The following KIAA0825 variants were observed in gnomAD, a reference collection of about 807,000 sequenced individuals.
KIAA0825 encodes the protein uncharacterized protein KIAA0825.
A neutral mutation model predicts 147.6 loss-of-function variants in KIAA0825; 119 were observed. The observed-to-expected ratio is 0.81, with a 90% CI of 0.69 to 0.94. The LOEUF (loss-of-function observed/expected upper bound fraction) is 0.94. KIAA0825 is among the 40% of genes least tolerant of loss of function. The pLI is 0.00. For missense variants in KIAA0825, 1,381 were observed against 1,472.7 expected, an observed-to-expected ratio of 0.94 and a Z score of 1.02; for synonymous variants, 470 against 518.1, an observed-to-expected ratio of 0.91 and a Z score of 1.26.
intron 14 of KIAA0825, among the ~76,000 whole-genome samples, chr5:94,428,143 T>TTTTGTG (rs1353501308): frequency 9.7e-5 from 13 of 134,498 alleles, no homozygotes; most frequent in African/African-American, 3.7e-4. Flanking sequence ...TAAGGTCTTG[T>TTTTGTG]TGTGTGTGTG....
chr5:94,241,199 A>G (rs1443614132), intron 20 of KIAA0825, among the ~76,000 whole-genome samples: 1 of 152,122 alleles, frequency 6.6e-6, no homozygotes, highest in African/African-American at 2.4e-5. Flanking sequence ...TTTCCAATCT[A>G]TCTCATTTGG....
At position 94,614,474 on chromosome 5, in the gene KIAA0825, C is replaced by T. The variant is rs552122877; in HGVS notation, c.-153+4026G>A. Among the ~76,000 whole-genome samples the T allele has an allele frequency of 8.5e-5, 13 of 152,324 alleles. No homozygotes were observed. The South Asian group carries it at 2.7e-3, about 32-fold the overall frequency. ...AAGCCTAACATCTCTAACTTGCCCACAGTTATCTACAGCTTGTCCTAAACT... is the reference window on the plus strand; with the variant it reads ...AAGCCTAACATCTCTAACTTGCCCATAGTTATCTACAGCTTGTCCTAAACT... On this transcript the variant is annotated intron_variant, in intron 1 of 20. Transcript: ENST00000682413.
At chr5:94,558,025 C>T (rs933192631) in intron 2 of KIAA0825, among the ~76,000 whole-genome samples, 3 of 152,180 alleles carry the variant, frequency 2.0e-5, no homozygotes, top group Non-Finnish European at 2.9e-5. Context: ...AAAAGTTTGC[C>T]GTTGTTCCTG....
chr5:94,168,738 T>A (rs1768304448), intron 20 of KIAA0825, among the ~76,000 whole-genome samples: 1 of 152,168 alleles, frequency 6.6e-6, no homozygotes, highest in Non-Finnish European at 1.5e-5. Flanking sequence ...AAGAGAAGTG[T>A]CAGGACTACT....
At chr5:94,575,021 G>C (rs1274268765) in intron 2 of KIAA0825, among the ~76,000 whole-genome samples, 2 of 152,092 alleles carry the variant, frequency 1.3e-5, no homozygotes, top group African/African-American at 4.8e-5. Flanking sequence ...AACATCCCTG[G>C]GGCATCAATG....
In KIAA0825 at chr5:94,477,187, T is replaced by A; in HGVS notation, c.1151A>T (p.Asp384Val). 5 of 1,549,656 alleles carry A rather than the reference T, an allele frequency of 3.2e-6. No homozygotes were observed. The highest frequency in any genetic ancestry group is 4.4e-6 in the Non-Finnish European group (5 of 1,146,112). ...RDTSGILEKS[D>V]REVVMEKPRA... ...AGGTTTTTCCATTACAACCTCTCTA[T>A]CGGATTTCTCCAAAATTCCTAAGCA... The change falls in exon 7 of 21, where the codon GAT (aspartate) becomes GTT (valine). Residue 384 changes from aspartate (D) to valine (V), a missense_variant. Asp to Val is a radical substitution (Grantham distance 152, BLOSUM62 -3). Coordinates refer to ENST00000682413, the MANE Select transcript of KIAA0825 (RefSeq NM_001145678.3).
intron 20 of KIAA0825, among the ~76,000 whole-genome samples, chr5:94,297,653 T>C (rs1020454791): frequency 1.3e-5 from 2 of 152,034 alleles, no homozygotes; most frequent in South Asian, 2.1e-4. Flanking sequence ...TAGAGTGCAG[T>C]GGCGCAATCC....
chr5:94,375,396 CTCTT>C (rs890277528), intron 20 of KIAA0825, among the ~76,000 whole-genome samples: 7 of 151,928 alleles, frequency 4.6e-5, no homozygotes, highest in Admixed American at 2.6e-4. Flanking sequence ...GTTGTATAAT[CTCTT>C]CCTCAATCTC....
At chr5:94,206,921 A>G (rs1486885332) in intron 20 of KIAA0825, among the ~76,000 whole-genome samples, 2 of 152,186 alleles carry the variant, frequency 1.3e-5, no homozygotes, top group African/African-American at 4.8e-5. Flanking sequence ...GATCAAATCA[A>G]TTCTATAGAC....
In KIAA0825 at chr5:94,609,274, C is replaced by A. The variant is rs933421230; in HGVS notation, c.-153+9226G>T. ...AGGAGCAGATCTGAAATTCAGCTCT[C>A]TTTTATTAAGCCAGACATTGAAGAG... On this transcript the variant is annotated intron_variant, in intron 1 of 20. Transcript: ENST00000682413. 5.9e-5 allele frequency among the ~76,000 whole-genome samples: 9 copies of A among 152,278 alleles called. No individual in the cohort carries two copies. The South Asian group carries it at 6.2e-4, about 11-fold the overall frequency.
chr5:94,393,395 G>A (rs559105822), intron 17 of KIAA0825, among the ~76,000 whole-genome samples: 3 of 152,306 alleles, frequency 2.0e-5, no homozygotes, highest in South Asian at 2.1e-4. Flanking sequence ...ACTGTTTACA[G>A]CTTGAGTGTT....
chr5:94,376,771 A>G (rs29936), intron 20 of KIAA0825, among the ~76,000 whole-genome samples: 55,219 of 151,968 alleles, frequency 0.36, 11,297 homozygotes, highest in African/African-American at 0.56. Flanking sequence ...TCTAGGGAAC[A>G]GGAGCATGAA....
At chr5:94,369,817 G>C (rs1012925395) in intron 20 of KIAA0825, among the ~76,000 whole-genome samples, 5 of 152,054 alleles carry the variant, frequency 3.3e-5, no homozygotes, top group African/African-American at 1.2e-4. Context: ...GAGAGGATAG[G>C]GGAAAAAGAA....
chr5:94,313,805 G>T (rs1438816171), intron 20 of KIAA0825, among the ~76,000 whole-genome samples: 1 of 151,488 alleles, frequency 6.6e-6, no homozygotes, highest in African/African-American at 2.4e-5. Flanking sequence ...CTAGCTATCA[G>T]TTTTCATACA....
intron 20 of KIAA0825, among the ~76,000 whole-genome samples, chr5:94,350,825 T>G (rs546607169): frequency 6.6e-6 from 1 of 151,146 alleles, no homozygotes; most frequent in African/African-American, 2.4e-5. Context: ...AACATAATAC[T>G]GAATGGGGAA....
intron 12 of KIAA0825, among the ~76,000 whole-genome samples, chr5:94,455,613 T>C (rs1251696727): frequency 6.6e-6 from 1 of 151,976 alleles, no homozygotes; most frequent in Admixed American, 6.5e-5. Context: ...TAGTAGGAGG[T>C]AAATGCAATC....
chr5:94,190,311 T>C (rs1383231756), intron 20 of KIAA0825, among the ~76,000 whole-genome samples: 1 of 151,988 alleles, frequency 6.6e-6, no homozygotes, highest in African/African-American at 2.4e-5. Flanking sequence ...TCTAATACGA[T>C]GTTTTTTGTT....
intron 1 of KIAA0825, among the ~76,000 whole-genome samples, chr5:94,586,350 A>C (rs1584969494): frequency 6.6e-6 from 1 of 152,370 alleles, no homozygotes; most frequent in South Asian, 2.1e-4. Context: ...AAAAATGATA[A>C]AGGGGATATC....
chr5:94,523,621 A>G (rs1768651612), intron 4 of KIAA0825, among the ~76,000 whole-genome samples: 2 of 151,604 alleles, frequency 1.3e-5, no homozygotes, highest in Admixed American at 1.3e-4. Context: ...TTTCTGGTAG[A>G]CAGCTGTGAT....
Sources: gnomAD v4.1 joint callset for allele counts (sites outside exome capture counted in the v4.1 genomes callset) on GRCh38, gnomAD v4.1.1 for gene constraint, MANE v1.5 for transcripts, NCBI Gene and HGNC (gene_info 2026-07-23, HGNC 2026-07-21) for gene names.